KCNAB1: variants seen among roughly 807,000 people sequenced by gnomAD.
KCNAB1 encodes the protein voltage-gated potassium channel subunit beta-1.
A neutral mutation model predicts 64.6 loss-of-function variants in KCNAB1; 35 were observed. The ratio of observed to expected loss-of-function variants is 0.54; its 90% CI spans 0.41 to 0.72. The LOEUF (loss-of-function observed/expected upper bound fraction) is 0.72, where lower values mean the gene tolerates loss of function less well. KCNAB1 is among the 30% of genes least tolerant of loss of function. The pLI is 0.00. For synonymous variants in KCNAB1, 177 were observed against 183.8 expected (o/e 0.96, Z 0.30); for missense variants, 401 against 512.9 (o/e 0.78, Z 2.11).
chr3:156,233,722 G>C (rs1343121162), intron 1 of KCNAB1, among the ~76,000 whole-genome samples: 1 of 152,090 alleles, frequency 6.6e-6, no homozygotes, highest in Non-Finnish European at 1.5e-5. Context: ...TGGAGACAGT[G>C]AGGAGTGGTC....
intron 1 of KCNAB1, among the ~76,000 whole-genome samples, chr3:156,238,385 G>A (rs1716972704): frequency 7.1e-6 from 1 of 140,352 alleles, no homozygotes; most frequent in South Asian, 2.3e-4. Context: ...TCACGCCACT[G>A]CACTCTGGCC....
chr3:156,273,503 G>T (rs969822364), intron 1 of KCNAB1: 5 of 442,078 alleles, frequency 1.1e-5, no homozygotes, highest in Non-Finnish European at 2.3e-5. Flanking sequence ...CACAGCACTG[G>T]GTTCCAATAC....
chr3:156,162,026 A>G (rs906440229), intron 1 of KCNAB1, among the ~76,000 whole-genome samples: 1 of 152,208 alleles, frequency 6.6e-6, no homozygotes, highest in African/African-American at 2.4e-5. Flanking sequence ...CAGGGTTTTG[A>G]ATTTTTTGGT....
chr3:156,221,795 A>G (rs1390842934), intron 1 of KCNAB1, among the ~76,000 whole-genome samples: 1 of 145,164 alleles, frequency 6.9e-6, no homozygotes, highest in East Asian at 2.3e-4. Flanking sequence ...CCAAAAAAAA[A>G]GTTTTGTGTC....
At chr3:156,499,638 A>G (rs1716246576) in intron 8 of KCNAB1, among the ~76,000 whole-genome samples, 1 of 152,206 alleles carries the variant, frequency 6.6e-6, no homozygotes, top group Non-Finnish European at 1.5e-5. Context: ...CTTGGGGGCT[A>G]GTGGGTAGGG....
chr3:156,384,579 G>C (rs1304288845), intron 1 of KCNAB1, among the ~76,000 whole-genome samples: 1 of 152,180 alleles, frequency 6.6e-6, no homozygotes, highest in East Asian at 1.9e-4. Flanking sequence ...GAGAACATGA[G>C]ATATGAGTAG....
chr3:156,300,282 T>C (rs775748025), intron 1 of KCNAB1, among the ~76,000 whole-genome samples: 3 of 152,230 alleles, frequency 2.0e-5, no homozygotes, highest in Non-Finnish European at 4.4e-5. Context: ...GGAAACTTCT[T>C]GTCCTGTCCT....
At chr3:156,358,665 T>C (rs1725413215) in intron 1 of KCNAB1, among the ~76,000 whole-genome samples, 1 of 138,010 alleles carries the variant, frequency 7.2e-6, no homozygotes, top group South Asian at 2.2e-4. Context: ...GTTTTTCTCT[T>C]TCCATTTTTT....
chr3:156,516,641 T>C (rs1169381687), intron 11 of KCNAB1, among the ~76,000 whole-genome samples: 4 of 152,222 alleles, frequency 2.6e-5, no homozygotes, highest in Non-Finnish European at 5.9e-5. Context: ...GGGCTCAAAT[T>C]CCTACATTGT....
intron 2 of KCNAB1, among the ~76,000 whole-genome samples, chr3:156,429,448 C>T (rs1716058778): frequency 6.6e-6 from 1 of 152,164 alleles, no homozygotes; most frequent in Admixed American, 6.5e-5. Context: ...CATCTGGGTG[C>T]CAGTCTTGCC....
At chr3:156,190,282 T>C (rs1171941625) in intron 1 of KCNAB1, among the ~76,000 whole-genome samples, 4 of 152,324 alleles carry the variant, frequency 2.6e-5, no homozygotes, top group Admixed American at 2.0e-4. Context: ...GTGTTTTCCT[T>C]ACCGCTAGGA....
chr3:156,273,743 G>C (rs1719175435), intron 1 of KCNAB1: 1 of 439,076 alleles, frequency 2.3e-6, no homozygotes, highest in Non-Finnish European at 4.6e-6. Flanking sequence ...ATAGTTGTCA[G>C]ATTTGGTGTT....
chr3:156,259,889 C>T (rs1718325941), intron 1 of KCNAB1, among the ~76,000 whole-genome samples: 1 of 152,224 alleles, frequency 6.6e-6, no homozygotes, highest in African/African-American at 2.4e-5. Flanking sequence ...TGCAGCCATT[C>T]TCCACTATTG....
intron 1 of KCNAB1, among the ~76,000 whole-genome samples, chr3:156,381,020 C>G (rs1303202906): frequency 6.6e-6 from 1 of 152,160 alleles, no homozygotes; most frequent in Admixed American, 6.5e-5. Flanking sequence ...TGAGGCGATG[C>G]ATTTGTTAAT....
At position 156,244,632 on chromosome 3, in the gene KCNAB1, C is replaced by T. The variant is rs138820222; in HGVS notation, c.275+123746C>T. On this transcript the variant is annotated intron_variant, in intron 1 of 13. Coordinates refer to ENST00000490337, the MANE Select transcript of KCNAB1 (RefSeq NM_172160.3). ...AAGCTCTAATTCCTAGAGTAAGCCG[C>T]TTACTCCCCTAATACACTTTTAGTG... Among the ~76,000 whole-genome samples, 484 of 152,314 alleles carry T rather than the reference C, an allele frequency of 3.2e-3. 2 individuals are homozygous for T. The highest frequency in any genetic ancestry group is 4.0e-3 in the Non-Finnish European group (273 of 68,028).
Position 156,207,890 on chromosome 3 carries a change from A to C in KCNAB1, c.275+87004A>C, listed in dbSNP as rs115428545. Among the ~76,000 whole-genome samples, 906 of 152,298 alleles carry C rather than the reference A, an allele frequency of 5.9e-3. 11 individuals are homozygous for C. The highest frequency in any genetic ancestry group is 0.021 in the African/African-American group (865 of 41,558). On this transcript the variant is annotated intron_variant, in intron 1 of 13. Coordinates refer to ENST00000490337, the MANE Select transcript of KCNAB1 (RefSeq NM_172160.3). ...CAAGTACCTTTATTTGGGTGAAATG[A>C]GGTTAAAACTGGTACTAACAAGAGC...
At chr3:156,421,873 C>T (rs534122628) in intron 2 of KCNAB1, among the ~76,000 whole-genome samples, 2 of 152,166 alleles carry the variant, frequency 1.3e-5, no homozygotes, top group East Asian at 3.9e-4. Context: ...AGGGGCCCGT[C>T]GAGCATAAGG....
intron 1 of KCNAB1, chr3:156,292,186 A>G: frequency 6.3e-7 from 1 of 1,577,012 alleles, no homozygotes; most frequent in Non-Finnish European, 8.7e-7. Flanking sequence ...GGTGCAGTGG[A>G]GACAGTCCAT....
intron 8 of KCNAB1, 104 bp from the exon 9 acceptor site, chr3:156,514,260 A>C: frequency 1.3e-6 from 1 of 796,056 alleles, no homozygotes; most frequent in East Asian, 2.5e-5. Context: ...TTAATCAAAC[A>C]AACAATTGCA....
Sources: allele counts gnomAD v4.1 joint callset (sites outside exome capture counted in the v4.1 genomes callset), GRCh38; gene constraint gnomAD v4.1.1; transcripts MANE v1.5; gene names NCBI Gene and HGNC (gene_info 2026-07-23, HGNC 2026-07-21).